Variants in KIF25 observed in about 807,000 individuals in gnomAD.
The protein encoded by KIF25 is kinesin family member 25, also known as kinesin-like protein KIF25.
Under a neutral mutation model 32.9 loss-of-function variants are expected in KIF25, and 19 were observed. That is an observed-to-expected ratio of 0.58 (90% CI 0.40 to 0.85). The LOEUF is 0.85. KIF25 is among the 40% of genes least tolerant of loss of function. The probability of loss-of-function intolerance (pLI) is 0.00; values close to 1 mark genes in which losing one functional copy is unlikely to be tolerated. For missense variants in KIF25, 485 were observed against 507.0 expected, an observed-to-expected ratio of 0.96 and a Z score of 0.42; for synonymous variants, 225 against 213.7, an observed-to-expected ratio of 1.05 and a Z score of -0.46.
intron 5 of KIF25, among the ~76,000 whole-genome samples, chr6:168,021,445 A>G (rs996220963): frequency 2.0e-5 from 3 of 152,256 alleles, no homozygotes; most frequent in African/African-American, 7.2e-5. Context: ...GCTTCAAATG[A>G]CGCACGAGTT....
At chr6:168,030,561 T>C in intron 6 of KIF25, 1 of 325,876 alleles carries the variant, frequency 3.1e-6, no homozygotes, top group East Asian at 5.3e-5. Flanking sequence ...TTTATGCTTA[T>C]TACATTTTCA....
rs185502473 is a variant in KIF25 at position 168,030,992 on chromosome 6, A to G, written c.167+145A>G. ...CATGCCCATGGGTCACCCAGCATGGACTCCACTTGCATCCGTGGAGACTAT... is the reference window on the plus strand; with the variant it reads ...CATGCCCATGGGTCACCCAGCATGGGCTCCACTTGCATCCGTGGAGACTAT... On this transcript the variant is annotated intron_variant, in intron 7 of 12. Transcript: ENST00000643607. 2.5e-5 allele frequency: 15 copies of G among 588,790 alleles called. No individual in the cohort carries two copies. In the East Asian group the frequency reaches 4.7e-4, roughly 19 times the overall value. The allele number at this position is 588,790 out of a possible 1,614,324, so 36.5% of individuals were successfully genotyped here.
Position 168,001,354 on chromosome 6 carries a change from A to T in KIF25, c.-369-1189A>T, listed in dbSNP as rs184663886. ...TCAGGTTTTTGGATGAGGGATGCTC[A>T]GCCTGTAGTTAATGGCCCCCAGCGG... On this transcript the variant is annotated intron_variant, in intron 2 of 12. Transcript: ENST00000643607. Among the ~76,000 whole-genome samples the T allele has an allele frequency of 4.6e-5, 7 of 152,374 alleles. No homozygotes were observed. The East Asian group carries it at 7.7e-4, about 17-fold the overall frequency.
intron 8 of KIF25, among the ~76,000 whole-genome samples, chr6:168,037,862 T>C (rs1479418762): frequency 6.6e-6 from 1 of 152,150 alleles, no homozygotes; most frequent in Non-Finnish European, 1.5e-5. Context: ...ACTACAGGCA[T>C]GCACCACCAC....
rs1205262814 is a variant in KIF25, at chr6:168,033,897, T to A, written c.183T>A (p.Val61=). The change falls in exon 8 of 13, where the codon GTT becomes GTA. Residue 61 remains valine, a synonymous_variant. Coordinates refer to ENST00000643607, the MANE Select transcript of KIF25 (RefSeq NM_030615.4). ...TGAATTTTAGGTACAATGTTTGTGT[T>A]ATGGCGTATGGACAGACGGGCAGCG... is the stretch of plus-strand genomic sequence containing the variant. ...TSLLDGYNVC[V]MAYGQTGSGK... 1 of 1,614,074 alleles carries A rather than the reference T, an allele frequency of 6.2e-7. No individual in the cohort carries two copies. Among genetic ancestry groups the A allele is most frequent in the Admixed American group, 1.7e-5 (1 of 60,026 alleles).
rs1798974856 is a variant in KIF25, at chr6:168,033,799, T to G, written c.168-83T>G. On this transcript the variant is annotated intron_variant, in intron 7 of 12. Coordinates refer to ENST00000643607, the MANE Select transcript of KIF25 (RefSeq NM_030615.4). ...AATAGGAAATGAAATGTATTGAAGT[T>G]TCTCATACAAGTGAAAATTTTTCCT... is the stretch of plus-strand genomic sequence containing the variant. 2.8e-6 allele frequency: 4 copies of G among 1,432,804 alleles called. No homozygotes were observed. In the South Asian group the frequency reaches 5.1e-5, roughly 18 times the overall value. The allele number at this position is 1,432,804 out of a possible 1,614,324, so 88.8% of individuals were successfully genotyped here.
At chr6:168,031,673 G>T (rs923330388) in intron 7 of KIF25, among the ~76,000 whole-genome samples, 6 of 152,200 alleles carry the variant, frequency 3.9e-5, no homozygotes, top group African/African-American at 1.4e-4. Context: ...GAAAATGATA[G>T]GGGAGTCTCT....
At chr6:168,039,171 T>A (rs1799079578) in intron 9 of KIF25, among the ~76,000 whole-genome samples, 1 of 152,056 alleles carries the variant, frequency 6.6e-6, no homozygotes, top group African/African-American at 2.4e-5. Flanking sequence ...AATAAATGTA[T>A]CTTTAAAAAA....
At chr6:168,011,327 T>C (rs1798644489) in intron 4 of KIF25, among the ~76,000 whole-genome samples, 1 of 152,194 alleles carries the variant, frequency 6.6e-6, no homozygotes, top group Non-Finnish European at 1.5e-5. Context: ...TGGTGGTTAT[T>C]GTCTTTTCAC....
At chr6:168,038,942 T>A (rs1012850390) in intron 9 of KIF25, among the ~76,000 whole-genome samples, 1 of 152,236 alleles carries the variant, frequency 6.6e-6, no homozygotes, top group Admixed American at 6.5e-5. Flanking sequence ...ACTCTCAATT[T>A]GCTGTAAGAA....
At chr6:168,004,834 C>T (rs909147132) in intron 4 of KIF25, among the ~76,000 whole-genome samples, 6 of 152,240 alleles carry the variant, frequency 3.9e-5, no homozygotes, top group Admixed American at 2.0e-4. Flanking sequence ...CATGATGTCC[C>T]GAGGTGGTGC....
At chr6:168,022,547 T>A (rs907555887) in intron 5 of KIF25, among the ~76,000 whole-genome samples, 4 of 152,196 alleles carry the variant, frequency 2.6e-5, no homozygotes, top group Admixed American at 6.5e-5. Context: ...CACCTCAGCC[T>A]CCCGAGTAGC....
chr6:168,022,399 G>T (rs1004124875), intron 5 of KIF25, among the ~76,000 whole-genome samples: 1 of 151,824 alleles, frequency 6.6e-6, no homozygotes, highest in African/African-American at 2.4e-5. Flanking sequence ...CTTATGTTTT[G>T]TGTTCCTTAT....
chr6:168,044,090 C>T (rs560586791), intron 12 of KIF25, among the ~76,000 whole-genome samples: 1 of 152,324 alleles, frequency 6.6e-6, no homozygotes, highest in African/African-American at 2.4e-5. Flanking sequence ...ATTCCCGGGA[C>T]ACAGGAGTGT....
intron 7 of KIF25, among the ~76,000 whole-genome samples, chr6:168,032,814 C>T (rs1798959756): frequency 6.6e-6 from 1 of 152,158 alleles, no homozygotes; most frequent in South Asian, 2.1e-4. Flanking sequence ...GCTGAATCTC[C>T]CCAGATGACT....
At chr6:168,025,645 A>G (rs1165450930) in intron 5 of KIF25, among the ~76,000 whole-genome samples, 2 of 152,178 alleles carry the variant, frequency 1.3e-5, no homozygotes, top group Non-Finnish European at 2.9e-5. Flanking sequence ...TTAAGGAAGC[A>G]CGTGGCCTAT....
At position 168,006,336 on chromosome 6, in the gene KIF25, C is replaced by T. The variant is rs192603332; in HGVS notation, c.-163+2633C>T. On this transcript the variant is annotated intron_variant, in intron 4 of 12. Transcript: ENST00000643607. The stretch of plus-strand genomic sequence containing the variant: ...GGATTGTAGGCGTGAGCCACCACAC[C>T]GGGCAAATTGTGCTTTAAAAGTGTT... Among the ~76,000 whole-genome samples, 81 of 152,120 alleles carry T rather than the reference C, an allele frequency of 5.3e-4. 1 individual carries two copies. In the East Asian group the frequency reaches 8.9e-3, roughly 17 times the overall value.
intron 4 of KIF25, among the ~76,000 whole-genome samples, chr6:168,007,187 G>C (rs1798591046): frequency 6.6e-6 from 1 of 152,154 alleles, no homozygotes; most frequent in Non-Finnish European, 1.5e-5. Flanking sequence ...AAGGCAGATG[G>C]ATCACCTGAG....
chr6:168,009,553 C>T (rs1798621914), intron 4 of KIF25, among the ~76,000 whole-genome samples: 1 of 152,066 alleles, frequency 6.6e-6, no homozygotes, highest in African/African-American at 2.4e-5. Context: ...TTGTCATTGT[C>T]TGGTTTTGGT....
Sources: gnomAD v4.1 joint callset for allele counts (sites outside exome capture counted in the v4.1 genomes callset) on GRCh38, gnomAD v4.1.1 for gene constraint, MANE v1.5 for transcripts, NCBI Gene and HGNC (gene_info 2026-07-23, HGNC 2026-07-21) for gene names.